The following PCDHA8 variants were observed in gnomAD, a reference collection of about 807,000 sequenced individuals.
PCDHA8 encodes protocadherin alpha-8.
A neutral mutation model predicts 61.8 loss-of-function variants in PCDHA8; 53 were observed. That is an observed-to-expected ratio of 0.86 (90% CI 0.69 to 1.08). The LOEUF is 1.08. PCDHA8 is among the 50% of genes least tolerant of loss of function. The pLI, the probability that PCDHA8 is intolerant of heterozygous loss-of-function variation, is 0.00. For synonymous variants in PCDHA8, 618 were observed against 556.6 expected, an observed-to-expected ratio of 1.11 and a Z score of -1.55; for missense variants, 1,293 against 1,245.0, an observed-to-expected ratio of 1.04 and a Z score of -0.58.
intron 1 of PCDHA8, chr5:140,866,754 G>A (rs540571091): frequency 1.1e-4 from 17 of 152,256 alleles, no homozygotes; most frequent in Non-Finnish European, 2.2e-4. Context: ...ATGACTAACA[G>A]GACATACAGG....
At chr5:140,943,356 A>G (rs965090658) in intron 1 of PCDHA8, among the ~76,000 whole-genome samples, 2 of 152,014 alleles carry the variant, frequency 1.3e-5, no homozygotes, top group Non-Finnish European at 2.9e-5. Flanking sequence ...GAGTAGAGGA[A>G]AGGAGATCAT....
chr5:140,962,127 G>A (rs1198076557), intron 1 of PCDHA8, among the ~76,000 whole-genome samples: 1 of 151,934 alleles, frequency 6.6e-6, no homozygotes, highest in East Asian at 1.9e-4. Flanking sequence ...CCTTGGCCTC[G>A]GCCTCCCAAA....
At chr5:140,856,650 G>T in intron 1 of PCDHA8, 1 of 1,598,142 alleles carries the variant, frequency 6.3e-7, no homozygotes, top group Admixed American at 1.7e-5. Context: ...CTGCTGGATC[G>T]TGAAGAAAAT....
At chr5:140,921,353 A>G (rs943655623) in intron 1 of PCDHA8, among the ~76,000 whole-genome samples, 5 of 152,160 alleles carry the variant, frequency 3.3e-5, no homozygotes, top group Non-Finnish European at 5.9e-5. Flanking sequence ...ATATTTGCCT[A>G]TATTCAAGTT....
chr5:140,997,132 C>A (rs1189394609), intron 3 of PCDHA8, among the ~76,000 whole-genome samples: 1 of 152,076 alleles, frequency 6.6e-6, no homozygotes, highest in Non-Finnish European at 1.5e-5. Flanking sequence ...CACAATGCCC[C>A]CACACCCCCG....
intron 1 of PCDHA8, chr5:140,862,660 G>T: frequency 1.8e-6 from 1 of 546,542 alleles, no homozygotes; most frequent in Non-Finnish European, 3.7e-6. Flanking sequence ...GCGGGACCGG[G>T]ACGCGCAGGA....
chr5:140,884,514 C>A (rs368331245), intron 1 of PCDHA8: 13 of 1,614,176 alleles, frequency 8.1e-6, no homozygotes, highest in East Asian at 2.2e-5. Context: ...GGGAGTTGGT[C>A]GTACTCGCAG....
chr5:140,992,017 C>CTGTG (rs10602499), intron 3 of PCDHA8, among the ~76,000 whole-genome samples: 5,022 of 145,578 alleles, frequency 0.034, 175 homozygotes, highest in African/African-American at 0.093. Context: ...AGAGGTGGCT[C>CTGTG]TGTGTGTGTG....
intron 1 of PCDHA8, among the ~76,000 whole-genome samples, chr5:140,942,450 C>A (rs1017198131): frequency 6.6e-6 from 1 of 151,378 alleles, no homozygotes; most frequent in African/African-American, 2.4e-5. Flanking sequence ...AGTAAACTAT[C>A]AATTATAATA....
Position 140,849,936 on chromosome 5 carries a change from G to C in PCDHA8, c.2394+6221G>C, listed in dbSNP as rs2041236618. The C allele has an allele frequency of 2.5e-6, 4 of 1,598,080 alleles. 1 individual carries two copies. Among genetic ancestry groups the C allele is most frequent in the Non-Finnish European group, 3.4e-6 (4 of 1,167,760 alleles). On this transcript the variant is annotated intron_variant, in intron 1 of 3. Transcript: ENST00000531613. ...CCACATCTTCACGGTGTCTGCGCGG[G>C]ACGCTGACGCGCAGGAGAACGCCCT...
At chr5:140,895,677 G>T (rs1554186594) in intron 1 of PCDHA8, among the ~76,000 whole-genome samples, 2 of 151,984 alleles carry the variant, frequency 1.3e-5, no homozygotes, top group African/African-American at 4.8e-5. Flanking sequence ...GTAGTATTTG[G>T]TTTTCTGTTT....
At chr5:140,851,161 T>C in intron 1 of PCDHA8, 1 of 1,297,820 alleles carries the variant, frequency 7.7e-7, no homozygotes, top group East Asian at 2.8e-5. Flanking sequence ...TCTGATGCTA[T>C]GCTGCCATAA....
chr5:140,871,524 G>A (rs1554165700), intron 1 of PCDHA8: 3 of 1,546,672 alleles, frequency 1.9e-6, no homozygotes, highest in Middle Eastern at 1.7e-4. Flanking sequence ...CACCTATCAG[G>A]AAGTGTATGT....
intron 1 of PCDHA8, among the ~76,000 whole-genome samples, chr5:140,903,632 C>T (rs1554191062): frequency 6.6e-6 from 1 of 152,134 alleles, no homozygotes. Context: ...CATATGTATG[C>T]ATATACCATA....
At chr5:140,966,851 C>T (rs782524148) in intron 1 of PCDHA8, 15 of 1,573,232 alleles carry the variant, frequency 9.5e-6, no homozygotes, top group Middle Eastern at 1.7e-4. Context: ...ACTGCCTCTC[C>T]TGCTGCTGTT....
chr5:140,965,708 A>T (rs2095927788), intron 1 of PCDHA8, among the ~76,000 whole-genome samples: 1 of 152,244 alleles, frequency 6.6e-6, no homozygotes, highest in African/African-American at 2.4e-5. Context: ...AGCTTGAGAG[A>T]AGAATCTCTT....
rs2150353254 is a variant in PCDHA8 at position 140,843,123 on chromosome 5, C to A, written c.1802C>A (p.Ser601Ter). The change falls in exon 1 of 4, where the codon TCG (serine) becomes TAG (stop). Residue 601 changes from serine (S) to a stop codon, truncating the protein, a stop_gained. Transcript: ENST00000531613. LOFTEE classifies it high-confidence loss of function. ...AAGGTGCGCGCAGTGGACGCCGACT[C>A]GGGCTACAACGCGTGGCTTTCGTAT... Reference protein sequence around the residue: ...VAKVRAVDADSGYNAWLSYEL... With the variant: ...VAKVRAVDAD The A allele has an allele frequency of 3.1e-6, 5 of 1,595,902 alleles. No individual in the cohort carries two copies. In the South Asian group the frequency reaches 3.3e-5, roughly 11 times the overall value.
At chr5:140,854,198 C>T (rs1554147125) in intron 1 of PCDHA8, 1 of 547,806 alleles carries the variant, frequency 1.8e-6, no homozygotes, top group East Asian at 1.4e-4. Flanking sequence ...CTACTCCCTA[C>T]TTTTTATTCA....
intron 1 of PCDHA8, chr5:140,857,943 C>G: frequency 6.3e-7 from 1 of 1,597,460 alleles, no homozygotes. Context: ...GAGATCAGTA[C>G]GACGCGCGCT....
Sources: gnomAD v4.1 joint callset for allele counts (sites outside exome capture counted in the v4.1 genomes callset) on GRCh38, gnomAD v4.1.1 for gene constraint, MANE v1.5 for transcripts, NCBI Gene and HGNC (gene_info 2026-07-23, HGNC 2026-07-21) for gene names.